Variants in SHCBP1 observed in about 807,000 individuals in gnomAD.
The protein encoded by SHCBP1 is SHC binding and spindle associated 1, also known as SHC SH2 domain-binding protein 1.
SHCBP1 carries 60 observed loss-of-function variants against 75.1 expected under a neutral mutation model. The ratio of observed to expected loss-of-function variants is 0.80; its 90% CI spans 0.65 to 0.99. The LOEUF is 0.99. Among genes scored for constraint, SHCBP1 ranks in the 50% least tolerant of loss-of-function variants. The pLI, the probability that SHCBP1 is intolerant of heterozygous loss-of-function variation, is 0.00. For synonymous variants in SHCBP1, 290 were observed against 293.2 expected, an observed-to-expected ratio of 0.99 and a Z score of 0.11; for missense variants, 709 against 809.4, an observed-to-expected ratio of 0.88 and a Z score of 1.50.
Position 46,610,019 on chromosome 16 carries a change from C to T in SHCBP1, c.597-1630G>A, listed in dbSNP as rs6650585. Among the ~76,000 whole-genome samples the T allele has an allele frequency of 2.2e-3, 336 of 151,314 alleles. 1 individual carries two copies. The highest frequency in any genetic ancestry group is 7.9e-3 in the African/African-American group (326 of 41,238). ...AGGCTGGAGTGCAACGGTGCGATCT[C>T]GTCTCACTGGAACCTCCAGCTCCTG... On this transcript the variant is annotated intron_variant, in intron 4 of 12. Coordinates refer to ENST00000303383, the MANE Select transcript of SHCBP1 (RefSeq NM_024745.5).
intron 10 of SHCBP1, among the ~76,000 whole-genome samples, chr16:46,588,536 A>G (rs1408057866): frequency 6.6e-6 from 1 of 152,246 alleles, no homozygotes; most frequent in Non-Finnish European, 1.5e-5. Flanking sequence ...AGAGAACACT[A>G]TAAACACCTC....
At chr16:46,598,547 G>T (rs1164398133) in intron 9 of SHCBP1, among the ~76,000 whole-genome samples, 1 of 152,012 alleles carries the variant, frequency 6.6e-6, no homozygotes, top group Non-Finnish European at 1.5e-5. Flanking sequence ...TACCATTCAG[G>T]CTTTGTTGTT....
At chr16:46,589,816 C>G (rs1468890806) in intron 10 of SHCBP1, among the ~76,000 whole-genome samples, 1 of 152,176 alleles carries the variant, frequency 6.6e-6, no homozygotes, top group Non-Finnish European at 1.5e-5. Flanking sequence ...ATTGGAAAAA[C>G]TACTTTAAAG....
At chr16:46,607,796 G>C (rs1596684910) in intron 5 of SHCBP1, among the ~76,000 whole-genome samples, 1 of 152,254 alleles carries the variant, frequency 6.6e-6, no homozygotes, top group East Asian at 1.9e-4. Context: ...AATATCCTAA[G>C]GTAGATCTGC....
At chr16:46,605,893 T>C (rs2143000810) in intron 5 of SHCBP1, among the ~76,000 whole-genome samples, 1 of 151,656 alleles carries the variant, frequency 6.6e-6, no homozygotes, top group African/African-American at 2.4e-5. Context: ...AGTAAGTGAA[T>C]TAGGTGAAGC....
chr16:46,588,339 T>C (rs1964985447), intron 10 of SHCBP1, among the ~76,000 whole-genome samples: 2 of 151,670 alleles, frequency 1.3e-5, no homozygotes, highest in South Asian at 2.1e-4. Context: ...CTGAAGGAAA[T>C]AGAGACACAA....
At chr16:46,613,023 T>C (rs367810842) in intron 4 of SHCBP1, among the ~76,000 whole-genome samples, 2 of 152,128 alleles carry the variant, frequency 1.3e-5, no homozygotes, top group Non-Finnish European at 2.9e-5. Flanking sequence ...TCCCACCATT[T>C]GTTTTCTACA....
At chr16:46,585,634 C>A (rs987415926) in intron 10 of SHCBP1, among the ~76,000 whole-genome samples, 1 of 152,186 alleles carries the variant, frequency 6.6e-6, no homozygotes, top group Admixed American at 6.5e-5. Flanking sequence ...TTCATCCCCA[C>A]CAACCACAGT....
In SHCBP1 at chr16:46,593,084, T is replaced by TA. The variant is rs201228553; in HGVS notation, c.1464+2467_1464+2468insT. ...TCTAATATCAAAACCAAGGTAAGGA[T>TA]GTCTGCTTTCATAGTGCTGGAAATT... On this transcript the variant is annotated intron_variant, in intron 10 of 12. Coordinates refer to ENST00000303383, the MANE Select transcript of SHCBP1 (RefSeq NM_024745.5). Among the ~76,000 whole-genome samples the TA allele has an allele frequency of 6.3e-3, 957 of 151,076 alleles. 41 individuals carry two copies. Among genetic ancestry groups the TA allele is most frequent in the Admixed American group, 0.059 (893 of 15,120 alleles).
chr16:46,619,065 A>G (rs1965546358), intron 1 of SHCBP1, among the ~76,000 whole-genome samples: 2 of 152,158 alleles, frequency 1.3e-5, no homozygotes, highest in African/African-American at 4.8e-5. Flanking sequence ...AATAATCCAT[A>G]AGGTTTACTT....
Position 46,617,629 on chromosome 16 carries a change from C to T in SHCBP1, c.387+5G>A. On this transcript the variant is annotated splice_donor_5th_base_variant and intron_variant, in intron 3 of 12. Transcript: ENST00000303383. ...ACAAAGGTCTAATAACAAAATTAACCTTACCTCAACCAGCACCTTGAACAC... is the reference window on the plus strand; with the variant it reads ...ACAAAGGTCTAATAACAAAATTAACTTTACCTCAACCAGCACCTTGAACAC... The T allele has an allele frequency of 2.5e-6, 4 of 1,612,444 alleles. No homozygotes were observed. The highest frequency in any genetic ancestry group is 1.7e-4 in the Middle Eastern group (1 of 5,956).
At chr16:46,604,856 G>T (rs941730558) in intron 5 of SHCBP1, among the ~76,000 whole-genome samples, 1 of 152,140 alleles carries the variant, frequency 6.6e-6, no homozygotes, top group Admixed American at 6.5e-5. Flanking sequence ...GGTAGGGAGA[G>T]CAGTTTCTCA....
At position 46,616,331 on chromosome 16, in the gene SHCBP1, A is replaced by T. The variant is rs1487795498; in HGVS notation, c.388-177T>A. On this transcript the variant is annotated intron_variant, in intron 3 of 12. Coordinates refer to ENST00000303383, the MANE Select transcript of SHCBP1 (RefSeq NM_024745.5). This position sits in a 1 kb window ranked among gnomAD's most constrained non-coding sequence, Gnocchi z 4.4. Reference sequence around the variant, plus strand: ...CTTACCCTCATGGAGCTTACACTGTAATCAGGGAGATCAACAAACACAATG... The same window carrying T: ...CTTACCCTCATGGAGCTTACACTGTTATCAGGGAGATCAACAAACACAATG... 1.3e-5 allele frequency among the ~76,000 whole-genome samples: 2 copies of T among 152,350 alleles called. No homozygotes were observed. The highest frequency in any genetic ancestry group is 3.9e-4 in the East Asian group (2 of 5,194).
In SHCBP1 at chr16:46,595,537, G is replaced by A. The variant is rs758677480; in HGVS notation, c.1464+15C>T. On this transcript the variant is annotated intron_variant, in intron 10 of 12. Coordinates refer to ENST00000303383, the MANE Select transcript of SHCBP1 (RefSeq NM_024745.5). The stretch of plus-strand genomic sequence containing the variant: ...TAAACACAAACTACTTCCCCAAGAG[G>A]ACAAGAGCTTCTACCTTGGCGCCAT... 1.9e-6 allele frequency: 3 copies of A among 1,595,052 alleles called. No individual in the cohort carries two copies. Among genetic ancestry groups the A allele is most frequent in the South Asian group, 2.2e-5 (2 of 90,644 alleles).
rs1567449396 is a variant in SHCBP1 at position 46,604,021 on chromosome 16, G to GT, written c.1045dup (p.Thr349AsnfsTer10). 6.2e-7 allele frequency: 1 copy of GT among 1,614,078 alleles called. No individual in the cohort carries two copies. Among genetic ancestry groups the GT allele is most frequent in the Non-Finnish European group, 8.5e-7 (1 of 1,180,008 alleles). ...ACCAGGCTCCTGGCAAAGCCTGTCC[G>GT]TAAGCAGGGACCGCAGGAGACCAGC... On this transcript the variant is annotated frameshift_variant, in exon 7 of 13. Coordinates refer to ENST00000303383, the MANE Select transcript of SHCBP1 (RefSeq NM_024745.5). LOFTEE classifies it high-confidence loss of function.
At chr16:46,591,290 C>T (rs1965044577) in intron 10 of SHCBP1, among the ~76,000 whole-genome samples, 1 of 152,098 alleles carries the variant, frequency 6.6e-6, no homozygotes. Context: ...ACGTTGTGCA[C>T]ATGTACCCTA....
At chr16:46,594,404 G>T (rs546340218) in intron 10 of SHCBP1, among the ~76,000 whole-genome samples, 7 of 152,138 alleles carry the variant, frequency 4.6e-5, no homozygotes, top group African/African-American at 1.7e-4. Context: ...CAGTAAAGAA[G>T]AACAAACAAT....
intron 10 of SHCBP1, among the ~76,000 whole-genome samples, chr16:46,587,287 T>C (rs4967248): frequency 0.99 from 149,994 of 152,222 alleles, 73,924 homozygotes; most frequent in South Asian, 1. Context: ...ACTAAAAAAG[T>C]TATATGAAGA....
At chr16:46,598,168 C>T (rs577207417) in intron 9 of SHCBP1, among the ~76,000 whole-genome samples, 1 of 152,298 alleles carries the variant, frequency 6.6e-6, no homozygotes, top group African/African-American at 2.4e-5. Flanking sequence ...TTTTAACCTC[C>T]TCCCATGAAT....
Sources: allele counts gnomAD v4.1 joint callset (sites outside exome capture counted in the v4.1 genomes callset), GRCh38; gene constraint gnomAD v4.1.1; non-coding constraint Gnocchi (gnomAD v3.1); transcripts MANE v1.5; gene names NCBI Gene and HGNC (gene_info 2026-07-23, HGNC 2026-07-21).